GRM4: variants seen among roughly 807,000 people sequenced by gnomAD.
The protein encoded by GRM4 is metabotropic glutamate receptor 4.
In GRM4, 28 loss-of-function variants were observed where a neutral mutation model predicts 81.7. That is an observed-to-expected ratio of 0.34 (90% CI 0.25 to 0.47). GRM4 has a LOEUF of 0.47. GRM4 is among the 20% of genes least tolerant of loss of function. The pLI is 1.00. For missense variants in GRM4, 948 were observed against 1,290.0 expected, an observed-to-expected ratio of 0.73 and a Z score of 4.06; for synonymous variants, 488 against 528.8, an observed-to-expected ratio of 0.92 and a Z score of 1.06.
chr6:34,051,408 G>T (rs977164682), intron 6 of GRM4, among the ~76,000 whole-genome samples: 1 of 152,134 alleles, frequency 6.6e-6, no homozygotes, highest in African/African-American at 2.4e-5. Context: ...CACAGGCTGG[G>T]TGACTGGCAT....
intron 1 of GRM4, among the ~76,000 whole-genome samples, chr6:34,141,960 G>C (rs1770712450): frequency 6.6e-6 from 1 of 152,192 alleles, no homozygotes; most frequent in Non-Finnish European, 1.5e-5. Flanking sequence ...GACATAAACA[G>C]CTCGCAGGAC....
At chr6:34,116,369 C>T (rs1043161675) in intron 2 of GRM4, among the ~76,000 whole-genome samples, 1 of 152,204 alleles carries the variant, frequency 6.6e-6, no homozygotes, top group African/African-American at 2.4e-5. Context: ...ACACCAGGCA[C>T]ATAAATCCAA....
At chr6:34,140,333 G>A (rs545322397) in intron 1 of GRM4, among the ~76,000 whole-genome samples, 1 of 91,204 alleles carries the variant, frequency 1.1e-5, no homozygotes, top group African/African-American at 3.8e-5. Flanking sequence ...GAGGGTTGAT[G>A]CGATGAAGTC....
intron 6 of GRM4, among the ~76,000 whole-genome samples, chr6:34,050,871 C>G (rs1765580507): frequency 6.6e-6 from 1 of 152,216 alleles, no homozygotes; most frequent in Non-Finnish European, 1.5e-5. Flanking sequence ...GCAGGTCTGT[C>G]CCCCTCACTG....
At chr6:34,050,218 C>T (rs1011487620) in intron 6 of GRM4, among the ~76,000 whole-genome samples, 5 of 152,152 alleles carry the variant, frequency 3.3e-5, no homozygotes, top group African/African-American at 4.8e-5. Context: ...GTGCCCTTTC[C>T]TAGGTCTCCA....
At chr6:34,049,190 C>T (rs1288534008) in intron 6 of GRM4, among the ~76,000 whole-genome samples, 3 of 152,086 alleles carry the variant, frequency 2.0e-5, no homozygotes, top group African/African-American at 7.2e-5. Context: ...GCTTTTGCAC[C>T]CACCTCTCTA....
intron 2 of GRM4, among the ~76,000 whole-genome samples, chr6:34,106,416 A>C (rs867624280): frequency 4.7e-4 from 14 of 29,926 alleles, no homozygotes; most frequent in South Asian, 3.6e-3. Flanking sequence ...CTCAGTCTCA[A>C]AAAAAAAAAA....
chr6:34,155,055 C>G (rs1000187198), intron 1 of GRM4: 196 of 1,479,854 alleles, frequency 1.3e-4, no homozygotes, highest in Non-Finnish European at 1.6e-4. Context: ...GGGACACGCC[C>G]GGATTGAGAG....
rs1768307586 is a variant in GRM4, at chr6:34,092,783, A to G, written c.520-684T>C. 6.6e-6 allele frequency among the ~76,000 whole-genome samples: 1 copy of G among 151,916 alleles called. No homozygotes were observed. The highest frequency in any genetic ancestry group is 1.9e-4 in the East Asian group (1 of 5,154). On this transcript the variant is annotated intron_variant, in intron 2 of 10. Transcript: ENST00000538487. This position sits in a 1 kb window ranked among gnomAD's most constrained non-coding sequence, Gnocchi z 6.8. Reference sequence around the variant, plus strand: ...CAGAGCCGACCCGGGGCCCTGCCCCAGCCCCGGGGCTTTCCAGTCACGGGG... The same window carrying G: ...CAGAGCCGACCCGGGGCCCTGCCCCGGCCCCGGGGCTTTCCAGTCACGGGG...
rs1299310636 is a variant in GRM4 at position 34,068,113 on chromosome 6, C to T, written c.737-6085G>A. On this transcript the variant is annotated intron_variant, in intron 3 of 10. Transcript: ENST00000538487. The surrounding 1 kb of genome is among the most constrained non-coding windows in gnomAD (Gnocchi z 4.2). ...GAAGGAACCGTAAACATCCTGGAAT[C>T]GGTGCAGAGGAGGACAGCAGCAGCA... Among the ~76,000 whole-genome samples, 2 of 152,218 alleles carry T rather than the reference C, an allele frequency of 1.3e-5. No homozygotes were observed. Among genetic ancestry groups the T allele is most frequent in the Non-Finnish European group, 2.9e-5 (2 of 68,040 alleles).
chr6:34,144,962 G>A lies in GRM4; in HGVS notation c.-364+1038C>T, dbSNP rs1325069174. ...TCCGGGGGCGCCAGCTCTCCTCGGA[G>A]CACTCCAAGCGCGGGAGCTCGCCGG... On this transcript the variant is annotated intron_variant, in intron 1 of 10. Transcript: ENST00000538487. Among the ~76,000 whole-genome samples the A allele has an allele frequency of 9.2e-5, 14 of 152,078 alleles. No individual in the cohort carries two copies. The East Asian group carries it at 2.7e-3, about 30-fold the overall frequency.
intron 3 of GRM4, among the ~76,000 whole-genome samples, chr6:34,088,909 G>A (rs1192514810): frequency 6.6e-6 from 1 of 152,148 alleles, no homozygotes; most frequent in African/African-American, 2.4e-5. Flanking sequence ...GCTTCCTTTA[G>A]GCCTGGTGCC....
In GRM4 at chr6:34,034,386, C is replaced by T. The variant is rs77924187; in HGVS notation, c.2442+1282G>A. Among the ~76,000 whole-genome samples, 1,674 of 152,308 alleles carry T rather than the reference C, an allele frequency of 0.011. 23 individuals carry two copies. The highest frequency in any genetic ancestry group is 0.016 in the Non-Finnish European group (1,061 of 68,026). ...CAGCCAGTCTCCAGACAGGCCCAGA[C>T]TCCCCCACTCCCCACTGCATCTGCT... On this transcript the variant is annotated intron_variant, in intron 9 of 10. Coordinates refer to ENST00000538487, the MANE Select transcript of GRM4 (RefSeq NM_000841.4). The surrounding 1 kb of genome is among the most constrained non-coding windows in gnomAD (Gnocchi z 4.0).
At chr6:34,103,489 G>A (rs1055427807) in intron 2 of GRM4, 4 of 962,900 alleles carry the variant, frequency 4.2e-6, no homozygotes, top group East Asian at 5.3e-5. Flanking sequence ...GAGAGCAGGC[G>A]GGGGCGGCGG....
intron 10 of GRM4, among the ~76,000 whole-genome samples, chr6:34,027,052 T>C (rs1388835464): frequency 6.6e-6 from 1 of 152,066 alleles, no homozygotes; most frequent in African/African-American, 2.4e-5. Flanking sequence ...GGGAGTCCCA[T>C]GGGCCCCTCT....
At chr6:34,082,455 G>A (rs1581670443) in intron 3 of GRM4, among the ~76,000 whole-genome samples, 1 of 152,152 alleles carries the variant, frequency 6.6e-6, no homozygotes, top group South Asian at 2.1e-4. Context: ...AGAAGTCAGT[G>A]AGGGATGTGA....
At chr6:34,083,985 C>A (rs777912900) in intron 3 of GRM4, among the ~76,000 whole-genome samples, 2 of 152,210 alleles carry the variant, frequency 1.3e-5, no homozygotes, top group Non-Finnish European at 2.9e-5. Context: ...CTCCTTTAGG[C>A]CTTGCCGGAC....
At chr6:34,099,297 G>GGCCCTCAGCCT (rs905600345) in intron 2 of GRM4, among the ~76,000 whole-genome samples, 1 of 152,184 alleles carries the variant, frequency 6.6e-6, no homozygotes. Context: ...GTGGTCAGAT[G>GGCCCTCAGCCT]GCCCTCAGCC....
intron 6 of GRM4, among the ~76,000 whole-genome samples, chr6:34,053,114 C>CT (rs35271141): frequency 0.3 from 46,324 of 152,198 alleles, 8,775 homozygotes; most frequent in African/African-American, 0.54. Flanking sequence ...TCCTCACACG[C>CT]TTATCTCTAA....
Sources: allele counts gnomAD v4.1 joint callset (sites outside exome capture counted in the v4.1 genomes callset), GRCh38; gene constraint gnomAD v4.1.1; non-coding constraint Gnocchi (gnomAD v3.1); transcripts MANE v1.5; gene names NCBI Gene and HGNC (gene_info 2026-07-23, HGNC 2026-07-21).